Variants in HMBOX1 observed in about 807,000 individuals in gnomAD.
HMBOX1 encodes homeobox containing 1, also known as homeobox-containing protein 1.
Under a neutral mutation model 54.5 loss-of-function variants are expected in HMBOX1, and 14 were observed. The observed-to-expected ratio is 0.26, with a 90% CI of 0.17 to 0.40. The LOEUF (loss-of-function observed/expected upper bound fraction) is 0.40, where lower values mean the gene tolerates loss of function less well. Among genes scored for constraint, HMBOX1 ranks in the 10% least tolerant of loss-of-function variants. The pLI is 1.00. For missense variants in HMBOX1, 332 were observed against 514.4 expected, an observed-to-expected ratio of 0.65 and a Z score of 3.43; for synonymous variants, 160 against 181.0, an observed-to-expected ratio of 0.88 and a Z score of 0.93.
At chr8:29,020,872 A>T (rs1801041972) in intron 6 of HMBOX1, among the ~76,000 whole-genome samples, 1 of 152,186 alleles carries the variant, frequency 6.6e-6, no homozygotes, top group African/African-American at 2.4e-5. Flanking sequence ...CCTTACTCAA[A>T]TGTTGGTATA....
chr8:28,997,382 G>T (rs1034948535), intron 4 of HMBOX1, among the ~76,000 whole-genome samples: 3 of 152,038 alleles, frequency 2.0e-5, no homozygotes, highest in African/African-American at 7.3e-5. Context: ...GTCATTTATT[G>T]ATGTGACTGT....
At chr8:28,933,924 T>C (rs1329652961) in intron 1 of HMBOX1, among the ~76,000 whole-genome samples, 2 of 152,218 alleles carry the variant, frequency 1.3e-5, no homozygotes, top group Admixed American at 6.5e-5. Context: ...CAATTTCATA[T>C]AAACTCTTTC....
At chr8:28,926,304 T>TATACACACACACAC (rs796953426) in intron 1 of HMBOX1, among the ~76,000 whole-genome samples, 21 of 142,214 alleles carry the variant, frequency 1.5e-4, no homozygotes, top group African/African-American at 5.5e-4. Flanking sequence ...TATATATATA[T>TATACACACACACAC]ACACACACAC....
intron 4 of HMBOX1, among the ~76,000 whole-genome samples, chr8:28,997,896 G>A (rs188831429): frequency 2.3e-4 from 35 of 152,200 alleles, no homozygotes; most frequent in Non-Finnish European, 4.7e-4. Context: ...TTGGTATTAG[G>A]ATAATACTGC....
intron 1 of HMBOX1, among the ~76,000 whole-genome samples, chr8:28,950,603 C>G (rs1181374485): frequency 6.6e-6 from 1 of 152,178 alleles, no homozygotes; most frequent in Non-Finnish European, 1.5e-5. Context: ...TGTACAGTTA[C>G]AACTCTGAAA....
intron 1 of HMBOX1, among the ~76,000 whole-genome samples, chr8:28,950,762 G>T (rs1302920372): frequency 1.3e-5 from 2 of 152,138 alleles, no homozygotes; most frequent in Non-Finnish European, 2.9e-5. Flanking sequence ...ACATTTCCTA[G>T]CATAGTTCAA....
At position 28,936,774 on chromosome 8, in the gene HMBOX1, A is replaced by T. The variant is rs1335236642; in HGVS notation, c.-57-27037A>T. 1.3e-5 allele frequency among the ~76,000 whole-genome samples: 2 copies of T among 150,016 alleles called. 1 individual carries two copies. The highest frequency in any genetic ancestry group is 4.2e-4 in the South Asian group (2 of 4,778). ...TACACAGGTTAAGAATATTTTTTCC[A>T]TCAAGGGCCACTGAACCAGAGGGTT... On this transcript the variant is annotated intron_variant, in intron 1 of 9. Coordinates refer to ENST00000287701, the MANE Select transcript of HMBOX1 (RefSeq NM_001135726.3).
At chr8:28,973,541 C>T (rs1400435527) in intron 3 of HMBOX1, among the ~76,000 whole-genome samples, 1 of 152,052 alleles carries the variant, frequency 6.6e-6, no homozygotes, top group Admixed American at 6.6e-5. Flanking sequence ...GTGGATCTTT[C>T]TGAGTATTCT....
upstream of HMBOX1, chr8:28,890,131 G>A (rs931710905): frequency 1.9e-5 from 10 of 538,466 alleles, no homozygotes; most frequent in Non-Finnish European, 3.0e-5. Context: ...ATTCATCCCA[G>A]CCGCCAATGC....
At chr8:28,919,097 G>A (rs866498823) in intron 1 of HMBOX1, among the ~76,000 whole-genome samples, 6 of 152,154 alleles carry the variant, frequency 3.9e-5, no homozygotes, top group South Asian at 2.1e-4. Flanking sequence ...TTCTCCATTG[G>A]TGAAGGATTA....
chr8:28,981,501 T>G (rs746356913), intron 4 of HMBOX1, among the ~76,000 whole-genome samples: 20 of 152,222 alleles, frequency 1.3e-4, no homozygotes, highest in Admixed American at 5.2e-4. Context: ...AAAGATGAAA[T>G]GTTGTCTTTC....
chr8:28,989,247 G>A (rs1830600109), intron 4 of HMBOX1, among the ~76,000 whole-genome samples: 1 of 151,748 alleles, frequency 6.6e-6, no homozygotes, highest in Non-Finnish European at 1.5e-5. Flanking sequence ...ACTCCAGCCT[G>A]GGCAACAAGA....
At chr8:28,996,357 A>C (rs1831841366) in intron 4 of HMBOX1, among the ~76,000 whole-genome samples, 1 of 152,190 alleles carries the variant, frequency 6.6e-6, no homozygotes, top group Non-Finnish European at 1.5e-5. Context: ...ATCGCTTATC[A>C]GATATGTCCC....
At position 28,963,810 on chromosome 8, in the gene HMBOX1, G is replaced by T; in HGVS notation, c.-57-1G>T. 3.6e-6 allele frequency: 5 copies of T among 1,390,868 alleles called. No homozygotes were observed. The highest frequency in any genetic ancestry group is 5.0e-6 in the Non-Finnish European group (5 of 1,001,990). 86.2% of individuals were successfully genotyped at this position (1,390,868 alleles called of 1,614,324 possible). A position where few individuals can be genotyped will look rare whatever the true frequency, so the allele number is the denominator to read the frequency against. On this transcript the variant is annotated splice_acceptor_variant, in intron 1 of 9. Transcript: ENST00000287701. LOFTEE classifies it low-confidence loss of function (5UTR_SPLICE). ...CTCAATTTTCTATCTTTGTTCTACA[G>T]AATGGTAGATAACGCAGATCATCTC...
chr8:28,909,062 T>A (rs555971018), intron 1 of HMBOX1, among the ~76,000 whole-genome samples: 8 of 149,586 alleles, frequency 5.3e-5, no homozygotes, highest in African/African-American at 2.0e-4. Context: ...ACCACTACAC[T>A]CCAAGATGGG....
rs373691508 is a variant in HMBOX1 at position 29,018,809 on chromosome 8, A to G, written c.747A>G (p.Glu249=). 3.3e-5 allele frequency: 54 copies of G among 1,614,048 alleles called. No homozygotes were observed. Among genetic ancestry groups the G allele is most frequent in the Non-Finnish European group, 4.5e-5 (53 of 1,179,994 alleles). ...CCCCCATTCCAATAGAGGACCCTGA[A>G]TGGAGACAAACGCCTCCCCCAGTCT... The part of the protein sequence containing the change: ...RPAPIPIEDP[E]WRQTPPPVSA... The change falls in exon 6 of 10, where the codon GAA becomes GAG. Residue 249 remains glutamate (E), a synonymous_variant. Transcript: ENST00000287701.
chr8:28,964,710 T>C (rs12334714), intron 2 of HMBOX1, among the ~76,000 whole-genome samples: 4,549 of 151,704 alleles, frequency 0.03, 225 homozygotes, highest in African/African-American at 0.11. Flanking sequence ...TTTAGGCTTT[T>C]CATTATAGTT....
chr8:28,973,513 A>T lies in HMBOX1; in HGVS notation c.500+2994A>T, dbSNP rs368667955. Among the ~76,000 whole-genome samples, 7 of 152,304 alleles carry T rather than the reference A, an allele frequency of 4.6e-5. No homozygotes were observed. In the East Asian group the frequency reaches 1.4e-3, roughly 29 times the overall value. On this transcript the variant is annotated intron_variant, in intron 3 of 9. Coordinates refer to ENST00000287701, the MANE Select transcript of HMBOX1 (RefSeq NM_001135726.3). ...ATGAATTTTTATTTAGTGGAATGTT[A>T]GAGAAATATTTTGAGCAGTGGATCT... is the stretch of plus-strand genomic sequence containing the variant.
intron 4 of HMBOX1, among the ~76,000 whole-genome samples, chr8:28,995,859 T>G (rs1376505272): frequency 6.6e-6 from 1 of 152,122 alleles, no homozygotes; most frequent in Non-Finnish European, 1.5e-5. Flanking sequence ...TCCCAGCACT[T>G]TGGAAGGCCG....
Sources: allele counts gnomAD v4.1 joint callset (sites outside exome capture counted in the v4.1 genomes callset), GRCh38; gene constraint gnomAD v4.1.1; transcripts MANE v1.5; gene names NCBI Gene and HGNC (gene_info 2026-07-23, HGNC 2026-07-21).